CDK5RAP2: variants seen among roughly 807,000 people sequenced by gnomAD.
CDK5RAP2 encodes the protein CDK5 regulatory subunit associated protein 2.
CDK5RAP2 carries 147 observed loss-of-function variants against 232.9 expected under a neutral mutation model. That is an observed-to-expected ratio of 0.63 (90% confidence interval 0.55 to 0.72). The LOEUF (loss-of-function observed/expected upper bound fraction) is 0.72. Among genes scored for constraint, CDK5RAP2 ranks in the 30% least tolerant of loss-of-function variants. The pLI is 0.00. For missense variants in CDK5RAP2, 2,195 were observed against 2,231.5 expected, an observed-to-expected ratio of 0.98 and a Z score of 0.33; for synonymous variants, 833 against 833.7, an observed-to-expected ratio of 1.00 and a Z score of 0.01.
chr9:120,489,537 T>C (rs765425380), intron 13 of CDK5RAP2, among the ~76,000 whole-genome samples: 7 of 152,146 alleles, frequency 4.6e-5, no homozygotes, highest in Non-Finnish European at 5.9e-5. Context: ...TTTCTCATCT[T>C]TTTATTTGTT....
At chr9:120,454,895 T>G (rs911176803) in intron 20 of CDK5RAP2, among the ~76,000 whole-genome samples, 2 of 152,198 alleles carry the variant, frequency 1.3e-5, no homozygotes, top group Non-Finnish European at 2.9e-5. Flanking sequence ...TGTCTTACTC[T>G]CCCTGAGCCC....
chr9:120,578,383 AATAG>A (rs2043114255), intron 1 of CDK5RAP2, among the ~76,000 whole-genome samples: 1 of 152,186 alleles, frequency 6.6e-6, no homozygotes, highest in South Asian at 2.1e-4. Context: ...GTGGATGTAA[AATAG>A]ATAGAAAAGG....
At chr9:120,546,467 T>C (rs1278906330) in intron 4 of CDK5RAP2, among the ~76,000 whole-genome samples, 1 of 152,168 alleles carries the variant, frequency 6.6e-6, no homozygotes, top group African/African-American at 2.4e-5. Context: ...GAATTCAATA[T>C]GAGACAGCTG....
intron 12 of CDK5RAP2, among the ~76,000 whole-genome samples, chr9:120,514,451 G>C (rs1224725272): frequency 6.6e-6 from 1 of 152,140 alleles, no homozygotes; most frequent in Non-Finnish European, 1.5e-5. Context: ...CACCCGTCTG[G>C]CCATCCTGAC....
Position 120,539,168 on chromosome 9 carries a change from C to CAA in CDK5RAP2, c.384-6_384-5dup. ...AGCTAAGCTCTCAACTGCTTTGCTG[C>CAA]AAAAAGAGGCACAGGGGTAAAACAT... is the stretch of plus-strand genomic sequence containing the variant. On this transcript the variant is annotated splice_polypyrimidine_tract_variant and splice_region_variant and intron_variant, in intron 5 of 37. Coordinates refer to ENST00000349780, the MANE Select transcript of CDK5RAP2 (RefSeq NM_018249.6). The CAA allele has an allele frequency of 6.2e-7, 1 of 1,613,772 alleles. No individual in the cohort carries two copies. Among genetic ancestry groups the CAA allele is most frequent in the African/African-American group, 1.3e-5 (1 of 75,038 alleles).
In CDK5RAP2 at chr9:120,411,442, G is replaced by A. The variant is rs2131321394; in HGVS notation, c.4330C>T (p.Leu1444Phe). The part of the protein sequence containing the change: ...STSIFASGSE[L>F]HSSLTSEIHF... ...ATTTCTGATGTTAGAGAACTATGAA[G>A]CTCTGAACCAGAAGCAAAAATGCTT... The change falls in exon 29 of 38, where the codon CTT (leucine) becomes TTT (phenylalanine). Residue 1444 changes from leucine to phenylalanine, a missense_variant. Transcript: ENST00000349780. 1 of 1,612,462 alleles carries A rather than the reference G, an allele frequency of 6.2e-7. No individual in the cohort carries two copies. Among genetic ancestry groups the A allele is most frequent in the South Asian group, 1.1e-5 (1 of 91,050 alleles).
intron 3 of CDK5RAP2, among the ~76,000 whole-genome samples, chr9:120,558,569 C>A (rs913956940): frequency 6.6e-6 from 1 of 152,040 alleles, no homozygotes; most frequent in Admixed American, 6.6e-5. Flanking sequence ...CCCTGTCCAC[C>A]TCTCCAACCA....
intron 21 of CDK5RAP2, among the ~76,000 whole-genome samples, chr9:120,450,859 C>T (rs927300501): frequency 9.2e-5 from 14 of 152,218 alleles, no homozygotes; most frequent in African/African-American, 3.1e-4. Flanking sequence ...TCAGGGTCCA[C>T]TGCTCAGTTC....
At chr9:120,446,841 T>C (rs2036219605) in intron 22 of CDK5RAP2, among the ~76,000 whole-genome samples, 2 of 152,202 alleles carry the variant, frequency 1.3e-5, no homozygotes, top group African/African-American at 4.8e-5. Flanking sequence ...CACTTCACCA[T>C]GGAGGCTCTC....
intron 35 of CDK5RAP2, 39 bp downstream of exon 35, chr9:120,400,703 T>TGGCA: frequency 1.2e-6 from 2 of 1,611,280 alleles, no homozygotes; most frequent in Non-Finnish European, 1.7e-6. Flanking sequence ...CAGGCCCCAG[T>TGGCA]GGCATCCTTG....
intron 12 of CDK5RAP2, among the ~76,000 whole-genome samples, chr9:120,496,500 G>A (rs1299158412): frequency 4.9e-5 from 7 of 143,482 alleles, no homozygotes; most frequent in Admixed American, 2.0e-4. Flanking sequence ...CGCCCCGTCC[G>A]GGAGGGAGGT....
At chr9:120,533,357 C>T (rs565199161) in intron 7 of CDK5RAP2, among the ~76,000 whole-genome samples, 7 of 152,262 alleles carry the variant, frequency 4.6e-5, no homozygotes, top group African/African-American at 1.7e-4. Context: ...CTAGACTCTA[C>T]TCACTGAAGC....
chr9:120,450,206 C>T (rs187248227), intron 21 of CDK5RAP2, among the ~76,000 whole-genome samples: 17 of 152,272 alleles, frequency 1.1e-4, no homozygotes, highest in African/African-American at 3.6e-4. Flanking sequence ...CATGCTACAA[C>T]GTGAATGAAC....
chr9:120,578,985 T>C (rs772671882), intron 1 of CDK5RAP2, among the ~76,000 whole-genome samples: 1 of 152,164 alleles, frequency 6.6e-6, no homozygotes, highest in African/African-American at 2.4e-5. Context: ...CAGTGCAGGT[T>C]CTCCGTCAGG....
At chr9:120,430,705 G>A (rs1204246671) in intron 25 of CDK5RAP2, among the ~76,000 whole-genome samples, 14 of 146,638 alleles carry the variant, frequency 9.5e-5, no homozygotes, top group African/African-American at 2.4e-4. Flanking sequence ...TCAGTGTGGC[G>A]ATTCCTCAGG....
intron 18 of CDK5RAP2, among the ~76,000 whole-genome samples, chr9:120,463,904 T>C (rs1373707935): frequency 6.6e-6 from 1 of 152,194 alleles, no homozygotes; most frequent in African/African-American, 2.4e-5. Context: ...AGAACTAAGA[T>C]GTCAGAAAGA....
rs1171568110 is a variant in CDK5RAP2, at chr9:120,516,080, G to A, written c.1311+2347C>T. Reference sequence around the variant, plus strand: ...ACACATGCACACGTATGTTTATTTCGGCACTATTCACAACAGCAAAGACTT... The same window carrying A: ...ACACATGCACACGTATGTTTATTTCAGCACTATTCACAACAGCAAAGACTT... On this transcript the variant is annotated intron_variant, in intron 12 of 37. Coordinates refer to ENST00000349780, the MANE Select transcript of CDK5RAP2 (RefSeq NM_018249.6). Among the ~76,000 whole-genome samples the A allele has an allele frequency of 1.2e-4, 18 of 152,034 alleles. No individual in the cohort carries two copies. In the East Asian group the frequency reaches 2.9e-3, roughly 25 times the overall value.
At chr9:120,436,876 G>T (rs1395560084) in intron 25 of CDK5RAP2, among the ~76,000 whole-genome samples, 2 of 152,022 alleles carry the variant, frequency 1.3e-5, no homozygotes, top group African/African-American at 4.8e-5. Flanking sequence ...TAAAAATTTT[G>T]CTTGGTTGAC....
In CDK5RAP2 at chr9:120,403,251, G is replaced by C; in HGVS notation, c.5042-180C>G. ...GGACCTCTGTATATTACCCCACACT[G>C]GGCTTATGAGTCATCTTGTAGGAGA... On this transcript the variant is annotated intron_variant, in intron 33 of 37. Coordinates refer to ENST00000349780, the MANE Select transcript of CDK5RAP2 (RefSeq NM_018249.6). The surrounding 1 kb of genome is among the most constrained non-coding windows in gnomAD (Gnocchi z 4.2). The C allele has an allele frequency of 1.7e-6, 1 of 604,368 alleles. No individual in the cohort carries two copies. Among genetic ancestry groups the C allele is most frequent in the Non-Finnish European group, 2.9e-6 (1 of 341,682 alleles). 37.4% of individuals were successfully genotyped at this position (604,368 alleles called of 1,614,324 possible).
Sources: allele counts gnomAD v4.1 joint callset (sites outside exome capture counted in the v4.1 genomes callset), GRCh38; gene constraint gnomAD v4.1.1; non-coding constraint Gnocchi (gnomAD v3.1); transcripts MANE v1.5; gene names NCBI Gene and HGNC (gene_info 2026-07-23, HGNC 2026-07-21).